The following ASTN2 variants were observed in gnomAD, a reference collection of about 807,000 sequenced individuals.
The protein encoded by ASTN2 is astrotactin 2, also known as astrotactin-2.
A neutral mutation model predicts 139.8 loss-of-function variants in ASTN2; 54 were observed. That is an observed-to-expected ratio of 0.39 (90% CI 0.31 to 0.48). The LOEUF (loss-of-function observed/expected upper bound fraction) is 0.48. Among genes scored for constraint, ASTN2 ranks in the 20% least tolerant of loss-of-function variants. The pLI, the probability that ASTN2 is intolerant of heterozygous loss-of-function variation, is 0.95. For missense variants in ASTN2, 1,565 were observed against 1,725.1 expected (o/e 0.91, Z 1.64); for synonymous variants, 756 against 719.5 (o/e 1.05, Z -0.81).
chr9:116,981,478 C>T (rs1836511649), intron 7 of ASTN2, among the ~76,000 whole-genome samples: 1 of 152,152 alleles, frequency 6.6e-6, no homozygotes, highest in Non-Finnish European at 1.5e-5. Flanking sequence ...GCAGAAAAGA[C>T]CCTTAAAGAT....
chr9:116,478,653 G>C (rs1849069963), intron 20 of ASTN2, among the ~76,000 whole-genome samples: 1 of 152,162 alleles, frequency 6.6e-6, no homozygotes. Flanking sequence ...TGCCTCCCCA[G>C]TTGCCAGGGG....
At chr9:116,625,376 G>A (rs1564163591) in intron 17 of ASTN2, among the ~76,000 whole-genome samples, 1 of 152,174 alleles carries the variant, frequency 6.6e-6, no homozygotes, top group Non-Finnish European at 1.5e-5. Context: ...GGAGGTTGCA[G>A]TGAGCTGAGA....
Position 116,698,681 on chromosome 9 carries a change from G to T in ASTN2, c.2806+27090C>A, listed in dbSNP as rs375442860. 10 of 1,614,050 alleles carry T rather than the reference G, an allele frequency of 6.2e-6. No homozygotes were observed. The African/African-American group carries it at 1.1e-4, about 17-fold the overall frequency. On this transcript the variant is annotated intron_variant, in intron 16 of 22. Coordinates refer to ENST00000313400, the MANE Select transcript of ASTN2 (RefSeq NM_001365068.1). The surrounding 1 kb of genome is among the most constrained non-coding windows in gnomAD (Gnocchi z 4.4). ...ATTCCTGGGCCATGGAGGCCACAGC[G>T]TCTGCTGCCTCTACCTCTGTTACTT... is the stretch of plus-strand genomic sequence containing the variant.
At chr9:117,037,313 C>T (rs567920444) in intron 6 of ASTN2, among the ~76,000 whole-genome samples, 8 of 148,960 alleles carry the variant, frequency 5.4e-5, no homozygotes, top group East Asian at 2.3e-4. Flanking sequence ...GACGGTTTGC[C>T]GCTGTCTCGG....
chr9:116,581,558 G>A (rs771119173), intron 19 of ASTN2, among the ~76,000 whole-genome samples: 17 of 152,114 alleles, frequency 1.1e-4, no homozygotes, highest in African/African-American at 1.9e-4. Flanking sequence ...TTGCCCAGAC[G>A]GATATTCTTC....
chr9:116,852,878 T>TACATAC (rs1554754326), intron 11 of ASTN2, among the ~76,000 whole-genome samples: 2 of 134,270 alleles, frequency 1.5e-5, no homozygotes, highest in African/African-American at 5.9e-5. Context: ...AAGGGGAAAA[T>TACATAC]ACACACACAC....
chr9:116,484,199 T>A (rs1318582445), intron 20 of ASTN2, among the ~76,000 whole-genome samples: 2 of 152,200 alleles, frequency 1.3e-5, no homozygotes, highest in East Asian at 3.9e-4. Context: ...AAGAAGAAAG[T>A]GGCTAACACG....
intron 19 of ASTN2, among the ~76,000 whole-genome samples, chr9:116,544,824 T>C (rs750080457): frequency 1.3e-5 from 2 of 152,206 alleles, no homozygotes; most frequent in African/African-American, 2.4e-5. Flanking sequence ...AGAGAGATTT[T>C]TGTGGCTGTT....
intron 14 of ASTN2, among the ~76,000 whole-genome samples, chr9:116,731,338 C>A (rs1423833466): frequency 6.6e-6 from 1 of 151,848 alleles, no homozygotes; most frequent in African/African-American, 2.4e-5. Flanking sequence ...GTGTGCCAAG[C>A]ATTTTATATA....
chr9:116,712,975 A>T (rs1828209316), intron 16 of ASTN2, among the ~76,000 whole-genome samples: 1 of 152,182 alleles, frequency 6.6e-6, no homozygotes, highest in Admixed American at 6.5e-5. Context: ...GACAGTCCTG[A>T]GATGGAATCC....
intron 2 of ASTN2, among the ~76,000 whole-genome samples, chr9:117,221,745 G>A (rs949136728): frequency 6.6e-6 from 1 of 152,112 alleles, no homozygotes; most frequent in African/African-American, 2.4e-5. Flanking sequence ...GTGGGGAAGG[G>A]GGCCCGGGAT....
intron 1 of ASTN2, among the ~76,000 whole-genome samples, chr9:117,296,302 A>AC (rs1834736016): frequency 7.3e-6 from 1 of 136,110 alleles, no homozygotes; most frequent in Non-Finnish European, 1.6e-5. Flanking sequence ...AAAAAAAAAA[A>AC]AGAAAGAAAG....
chr9:117,012,825 A>G (rs1260170761), intron 6 of ASTN2, among the ~76,000 whole-genome samples: 2 of 152,162 alleles, frequency 1.3e-5, no homozygotes, highest in Non-Finnish European at 2.9e-5. Context: ...ATTATTTGCA[A>G]GGCACTCCAC....
intron 17 of ASTN2, among the ~76,000 whole-genome samples, chr9:116,638,887 G>A (rs185307342): frequency 7.2e-5 from 11 of 152,168 alleles, no homozygotes; most frequent in African/African-American, 2.4e-4. Context: ...GTTCATTTAG[G>A]AATCCTGGAT....
intron 1 of ASTN2, among the ~76,000 whole-genome samples, chr9:117,403,361 G>A (rs145765620): frequency 2.5e-3 from 378 of 152,300 alleles, no homozygotes; most frequent in Non-Finnish European, 4.6e-3. Flanking sequence ...CCTCCCATGG[G>A]GACCCTCTAG....
chr9:116,607,400 G>T (rs1372749232), intron 19 of ASTN2, among the ~76,000 whole-genome samples: 1 of 151,932 alleles, frequency 6.6e-6, no homozygotes, highest in Non-Finnish European at 1.5e-5. Flanking sequence ...TAAAACAAAG[G>T]TTAAAAAATC....
chr9:116,508,416 A>G (rs1850207010), intron 19 of ASTN2, among the ~76,000 whole-genome samples: 1 of 152,128 alleles, frequency 6.6e-6, no homozygotes, highest in Non-Finnish European at 1.5e-5. Flanking sequence ...CTAGAACTTC[A>G]GTTCCCACTG....
intron 10 of ASTN2, among the ~76,000 whole-genome samples, chr9:116,920,939 A>G (rs1203444887): frequency 6.6e-6 from 1 of 152,210 alleles, no homozygotes; most frequent in Non-Finnish European, 1.5e-5. Flanking sequence ...GTTTTAGTCT[A>G]TTCTCACACT....
At chr9:117,253,868 C>G (rs1833607926) in intron 2 of ASTN2, among the ~76,000 whole-genome samples, 1 of 152,124 alleles carries the variant, frequency 6.6e-6, no homozygotes, top group African/African-American at 2.4e-5. Context: ...TGAGCAGCTC[C>G]TATGCCTTAT....
Sources: allele counts gnomAD v4.1 joint callset (sites outside exome capture counted in the v4.1 genomes callset), GRCh38; gene constraint gnomAD v4.1.1; non-coding constraint Gnocchi (gnomAD v3.1); transcripts MANE v1.5; gene names NCBI Gene and HGNC (gene_info 2026-07-23, HGNC 2026-07-21).